Variants in CCDC7 observed in about 807,000 individuals in gnomAD.
The protein encoded by CCDC7 is coiled-coil domain-containing protein 7.
CCDC7 carries 183 observed loss-of-function variants against 196.9 expected under a neutral mutation model. That is an observed-to-expected ratio of 0.93 (90% CI 0.82 to 1.05). The LOEUF is 1.05. Ranked by LOEUF, CCDC7 falls within the 50% of genes least tolerant of loss-of-function variation. The pLI is 0.00. For missense variants in CCDC7, 1,540 were observed against 1,482.2 expected, an observed-to-expected ratio of 1.04 and a Z score of -0.64; for synonymous variants, 525 against 484.6, an observed-to-expected ratio of 1.08 and a Z score of -1.10.
At chr10:32,539,454 A>AT (rs759106046) in intron 11 of CCDC7, among the ~76,000 whole-genome samples, 30 of 150,612 alleles carry the variant, frequency 2.0e-4, no homozygotes, top group Non-Finnish European at 3.4e-4. Flanking sequence ...CTATCTTATT[A>AT]TTTTTTTTTA....
intron 32 of CCDC7, among the ~76,000 whole-genome samples, chr10:32,828,489 GA>G (rs1593209458): frequency 0.044 from 2,605 of 59,780 alleles, 101 homozygotes; most frequent in African/African-American, 0.12. Flanking sequence ...GGAAGAGGAA[GA>G]AGAAGAAGAA....
chr10:32,612,878 T>C (rs1210735802), intron 18 of CCDC7, among the ~76,000 whole-genome samples: 6 of 146,220 alleles, frequency 4.1e-5, no homozygotes, highest in Admixed American at 3.4e-4. Context: ...GAAATTTTCT[T>C]TGTTTTTTTT....
In CCDC7 at chr10:32,457,450, T is replaced by G. The variant is rs549810270; in HGVS notation, c.456+1116T>G. Among the ~76,000 whole-genome samples the G allele has an allele frequency of 5.3e-5, 8 of 152,256 alleles. No individual in the cohort carries two copies. In the East Asian group the frequency reaches 1.5e-3, roughly 29 times the overall value. On this transcript the variant is annotated intron_variant, in intron 3 of 41. Coordinates refer to ENST00000639629, the Ensembl canonical transcript of CCDC7. ...GTCTATTGATGGACATTTAGGTTGA[T>G]TATATATATTGGCGATTGCAGTTTA...
intron 18 of CCDC7, among the ~76,000 whole-genome samples, chr10:32,607,394 G>A (rs1266034965): frequency 2.0e-5 from 3 of 152,166 alleles, no homozygotes; most frequent in African/African-American, 7.2e-5. Flanking sequence ...AGTGGGCATC[G>A]TTGTCCTATT....
At chr10:32,639,888 A>T (rs1455660564) in intron 20 of CCDC7, among the ~76,000 whole-genome samples, 1 of 152,138 alleles carries the variant, frequency 6.6e-6, no homozygotes, top group Non-Finnish European at 1.5e-5. Context: ...AATTGCTGGG[A>T]TTACAAGCGT....
chr10:32,544,232 C>T lies in CCDC7; in HGVS notation c.1080-15C>T, dbSNP rs1443875012. 6.3e-7 allele frequency: 1 copy of T among 1,593,920 alleles called. No homozygotes were observed. The highest frequency in any genetic ancestry group is 1.3e-5 in the African/African-American group (1 of 74,316). ...AAAAATATCATGATGCATTTTAAAA[C>T]ATTTTATGTTACAGGAAGATGTCTC... On this transcript the variant is annotated splice_polypyrimidine_tract_variant and intron_variant, in intron 12 of 41. Transcript: ENST00000639629.
intron 29 of CCDC7, among the ~76,000 whole-genome samples, chr10:32,801,990 C>T (rs553789480): frequency 1.3e-4 from 20 of 152,166 alleles, no homozygotes; most frequent in Non-Finnish European, 2.6e-4. Flanking sequence ...AATCAATGTC[C>T]TCACTTTAAT....
chr10:32,847,544 A>C (rs2093353220), intron 37 of CCDC7, among the ~76,000 whole-genome samples: 1 of 151,996 alleles, frequency 6.6e-6, no homozygotes, highest in Admixed American at 6.6e-5. Context: ...GCAAAACCCT[A>C]TCTCTACAAA....
chr10:32,699,228 T>G (rs7072605), intron 24 of CCDC7, among the ~76,000 whole-genome samples: 117,575 of 126,390 alleles, frequency 0.93, 55,345 homozygotes, highest in East Asian at 1. Flanking sequence ...CAACAGGCCT[T>G]GTGTGTGATG....
intron 41 of CCDC7, among the ~76,000 whole-genome samples, chr10:32,854,705 T>C (rs1254783184): frequency 6.6e-6 from 1 of 152,152 alleles, no homozygotes; most frequent in Admixed American, 6.6e-5. Context: ...TATGCTTATA[T>C]CCTCCTCACT....
intron 13 of CCDC7, among the ~76,000 whole-genome samples, chr10:32,549,860 T>G (rs2136287859): frequency 6.6e-6 from 1 of 152,282 alleles, no homozygotes; most frequent in Middle Eastern, 3.4e-3. Context: ...GCCTTCAGAT[T>G]TCTTCTTTTT....
chr10:32,769,789 T>C (rs547702675), intron 28 of CCDC7, among the ~76,000 whole-genome samples: 6 of 152,326 alleles, frequency 3.9e-5, no homozygotes, highest in African/African-American at 1.4e-4. Context: ...GCTTTATCCA[T>C]GTCCCTGCAA....
At chr10:32,816,927 G>A (rs549131278) in intron 31 of CCDC7, among the ~76,000 whole-genome samples, 1 of 152,162 alleles carries the variant, frequency 6.6e-6, no homozygotes, top group Non-Finnish European at 1.5e-5. Context: ...AAATCAGAGT[G>A]CCTCTCCTCC....
intron 18 of CCDC7, among the ~76,000 whole-genome samples, chr10:32,613,618 C>G (rs992056000): frequency 7.9e-5 from 12 of 152,064 alleles, no homozygotes; most frequent in African/African-American, 2.9e-4. Context: ...CTGTGCCTTT[C>G]TTCTCATTTG....
At chr10:32,667,492 T>C (rs2073050288) in intron 21 of CCDC7, among the ~76,000 whole-genome samples, 5 of 152,202 alleles carry the variant, frequency 3.3e-5, no homozygotes, top group African/African-American at 1.2e-4. Flanking sequence ...CTAGGGTTTT[T>C]ATGGTTTCAG....
chr10:32,563,910 G>C (rs2056276258), intron 13 of CCDC7, among the ~76,000 whole-genome samples: 1 of 152,006 alleles, frequency 6.6e-6, no homozygotes, highest in South Asian at 2.1e-4. Flanking sequence ...ATCTGACAAA[G>C]GGCTAATATC....
At chr10:32,605,742 A>G (rs117188554) in intron 18 of CCDC7, among the ~76,000 whole-genome samples, 5,893 of 152,316 alleles carry the variant, frequency 0.039, 120 homozygotes, top group Middle Eastern at 0.051. Flanking sequence ...CCAGCAACCT[A>G]AGTCAGATAC....
At chr10:32,766,655 A>G (rs1424052726) in intron 28 of CCDC7, among the ~76,000 whole-genome samples, 2 of 152,080 alleles carry the variant, frequency 1.3e-5, no homozygotes, top group African/African-American at 2.4e-5. Flanking sequence ...CAAGTTGCCA[A>G]GCAATCTGAG....
intron 20 of CCDC7, among the ~76,000 whole-genome samples, chr10:32,650,475 G>C (rs1183156124): frequency 6.6e-6 from 1 of 152,176 alleles, no homozygotes; most frequent in Non-Finnish European, 1.5e-5. Context: ...CCAACCACTG[G>C]CACTGTGCCT....
Sources: allele counts gnomAD v4.1 joint callset (sites outside exome capture counted in the v4.1 genomes callset), GRCh38; gene constraint gnomAD v4.1.1; transcripts MANE v1.5; gene names NCBI Gene and HGNC (gene_info 2026-07-23, HGNC 2026-07-21).